The following ZFHX3 variants were observed in gnomAD, a reference collection of about 807,000 sequenced individuals.
The protein encoded by ZFHX3 is zinc finger homeobox 3, also known as zinc finger homeobox protein 3.
Under a neutral mutation model 279.1 loss-of-function variants are expected in ZFHX3, and 42 were observed. The observed-to-expected ratio is 0.15, with a 90% CI of 0.12 to 0.19. The LOEUF (loss-of-function observed/expected upper bound fraction) is 0.19. ZFHX3 is among the 10% of genes least tolerant of loss of function. The pLI is 1.00. For missense variants in ZFHX3, 4,981 were observed against 4,754.0 expected, an observed-to-expected ratio of 1.05 and a Z score of -1.40; for synonymous variants, 2,293 against 1,957.8, an observed-to-expected ratio of 1.17 and a Z score of -4.52.
intron 7 of ZFHX3, among the ~76,000 whole-genome samples, chr16:73,105,921 G>A (rs145058639): frequency 2.6e-5 from 3 of 117,134 alleles, no homozygotes; most frequent in African/African-American, 8.3e-5. Context: ...CTCCCTATAT[G>A]TACACGGACC....
chr16:73,136,561 T>C (rs1402449096), intron 6 of ZFHX3, among the ~76,000 whole-genome samples: 1 of 150,632 alleles, frequency 6.6e-6, no homozygotes, highest in African/African-American at 2.5e-5. Flanking sequence ...TCGTCTCTAC[T>C]AAAAACACCA....
At chr16:73,735,597 C>G (rs546352256) in intron 1 of ZFHX3, among the ~76,000 whole-genome samples, 1 of 152,276 alleles carries the variant, frequency 6.6e-6, no homozygotes, top group South Asian at 2.1e-4. Context: ...TATATGCGAT[C>G]ACTGTACATT....
intron 1 of ZFHX3, among the ~76,000 whole-genome samples, chr16:73,705,323 A>G (rs2053292437): frequency 6.6e-6 from 1 of 152,176 alleles, no homozygotes; most frequent in Non-Finnish European, 1.5e-5. Context: ...CACTGGTTGC[A>G]GGAGTCTCCC....
chr16:73,795,339 C>A (rs1002610569), intron 1 of ZFHX3, among the ~76,000 whole-genome samples: 5 of 152,172 alleles, frequency 3.3e-5, no homozygotes, highest in African/African-American at 1.2e-4. Flanking sequence ...CTTGCTCAGG[C>A]AGCCAAAGCA....
chr16:73,154,232 C>T (rs1013457590), intron 5 of ZFHX3, among the ~76,000 whole-genome samples: 14 of 152,190 alleles, frequency 9.2e-5, no homozygotes, highest in South Asian at 4.1e-4. Flanking sequence ...GGCCTGCTTC[C>T]GATGGCCTTT....
At chr16:73,136,698 G>A (rs540487920) in intron 6 of ZFHX3, among the ~76,000 whole-genome samples, 12 of 133,552 alleles carry the variant, frequency 9.0e-5, no homozygotes, top group African/African-American at 3.2e-4. Flanking sequence ...TGCCCTACAC[G>A]CTGGGTGACA....
chr16:73,285,662 GA>G (rs1476492384), intron 4 of ZFHX3, among the ~76,000 whole-genome samples: 1 of 152,164 alleles, frequency 6.6e-6, no homozygotes, highest in East Asian at 1.9e-4. Flanking sequence ...GTCCGTCAGG[GA>G]AATATATCCC....
intron 1 of ZFHX3, among the ~76,000 whole-genome samples, chr16:73,807,939 T>C (rs1960327710): frequency 6.6e-6 from 1 of 152,108 alleles, no homozygotes; most frequent in South Asian, 2.1e-4. Context: ...CTTGGTACCA[T>C]TATTACCACT....
chr16:73,387,557 C>T (rs2016925854), intron 3 of ZFHX3, among the ~76,000 whole-genome samples: 1 of 151,918 alleles, frequency 6.6e-6, no homozygotes, highest in African/African-American at 2.4e-5. Context: ...TTTGAGACTA[C>T]AATTAATTTC....
intron 3 of ZFHX3, chr16:73,389,328 C>T (rs2016964648): frequency 6.6e-6 from 1 of 152,218 alleles, no homozygotes; most frequent in Non-Finnish European, 1.5e-5. Context: ...CAAAAAAAGA[C>T]CATGTGGTCT....
At chr16:73,510,835 G>A (rs1263215200) in intron 2 of ZFHX3, among the ~76,000 whole-genome samples, 1 of 152,206 alleles carries the variant, frequency 6.6e-6, no homozygotes, top group African/African-American at 2.4e-5. Flanking sequence ...ACACCTTAGG[G>A]TAACAAAATC....
rs143505395 is a variant in ZFHX3, at chr16:73,292,012, C to A, written c.-1194+26228G>T. On this transcript the variant is annotated intron_variant, in intron 4 of 17. Coordinates refer to the ZFHX3 transcript ENST00000641206. The stretch of plus-strand genomic sequence containing the variant: ...GGGTAAGCAGAGGGCATGCCTGGAA[C>A]TGAAGTTTCTAAGTATTGATATTAG... Among the ~76,000 whole-genome samples the A allele has an allele frequency of 3.5e-4, 54 of 152,272 alleles. 1 individual carries two copies. In the East Asian group the frequency reaches 9.7e-3, roughly 27 times the overall value.
At chr16:73,831,243 G>A (rs1960987791) in intron 1 of ZFHX3, among the ~76,000 whole-genome samples, 1 of 152,128 alleles carries the variant, frequency 6.6e-6, no homozygotes, top group African/African-American at 2.4e-5. Flanking sequence ...ATAATTGATG[G>A]CAAGCATCCC....
chr16:73,543,885 G>GGAGAGGGAGAGGGAGAGAGA (rs1203799448), intron 2 of ZFHX3: 1 of 136,454 alleles, frequency 7.3e-6, no homozygotes, highest in Non-Finnish European at 1.5e-5. Context: ...AGCGAGAGAG[G>GGAGAGGGAGAGGGAGAGAGA]GAGAGAGAGA....
intron 5 of ZFHX3, among the ~76,000 whole-genome samples, chr16:73,206,750 G>A (rs550132040): frequency 6.8e-4 from 104 of 152,246 alleles, no homozygotes; most frequent in African/African-American, 2.4e-3. Context: ...GGGCATGGTG[G>A]CTCATGCCTG....
chr16:72,963,545 C>A (rs1371007498), intron 1 of ZFHX3, among the ~76,000 whole-genome samples: 1 of 152,232 alleles, frequency 6.6e-6, no homozygotes, highest in African/African-American at 2.4e-5. Context: ...TATCCCCCAA[C>A]TCCTGCTCAT....
At chr16:73,034,647 A>G (rs1026003784) in intron 1 of ZFHX3, among the ~76,000 whole-genome samples, 1 of 152,216 alleles carries the variant, frequency 6.6e-6, no homozygotes, top group African/African-American at 2.4e-5. Flanking sequence ...AGTAATATAC[A>G]TGAAGCAGTA....
At chr16:73,624,494 G>A (rs917584832) in intron 2 of ZFHX3, among the ~76,000 whole-genome samples, 4 of 152,190 alleles carry the variant, frequency 2.6e-5, no homozygotes, top group African/African-American at 9.6e-5. Flanking sequence ...AAGAAAGAAA[G>A]GCTTTGAGAG....
Position 72,958,125 on chromosome 16 carries a change from G to A in ZFHX3, c.2021C>T (p.Pro674Leu), listed in dbSNP as rs558654045. Residue 674 changes from proline to leucine, a missense_variant, in exon 2 of 10, where the codon CCC (proline) becomes CTC (leucine). By Grantham distance (98) the Pro-to-Leu change is moderately conservative. Around this residue, in one of 7 missense-constraint regions of ZFHX3, gnomAD observed 1,068 missense variants for 935.2 expected, o/e 1.14. Coordinates refer to ENST00000268489, the MANE Select transcript of ZFHX3 (RefSeq NM_006885.4). ...SRNSCKTLKC[P>L]KCNWHYKYQQ... ...GTACTTATAGTGCCAGTTGCACTTG[G>A]GGCACTTGAGTGTCTTACACGAGTT... is the stretch of plus-strand genomic sequence containing the variant. 1.2e-6 allele frequency: 2 copies of A among 1,614,172 alleles called. No individual in the cohort carries two copies. Among genetic ancestry groups the A allele is most frequent in the African/African-American group, 1.3e-5 (1 of 75,044 alleles).
Sources: gnomAD v4.1 joint callset for allele counts (sites outside exome capture counted in the v4.1 genomes callset) on GRCh38, gnomAD v4.1.1 for gene constraint, gnomAD v4.1.1 regional missense constraint, MANE v1.5 for transcripts, NCBI Gene and HGNC (gene_info 2026-07-23, HGNC 2026-07-21) for gene names.